The following AKAP7 variants were observed in gnomAD, a reference collection of about 807,000 sequenced individuals.
AKAP7 encodes A kinase (PRKA) anchor protein 7.
A neutral mutation model predicts 39.5 loss-of-function variants in AKAP7; 39 were observed. The observed-to-expected ratio is 0.99, with a 90% CI of 0.76 to 1.29. The LOEUF is 1.29. Among genes scored for constraint, AKAP7 ranks in the 50% most tolerant of loss-of-function variants. The pLI is 0.00. For missense variants in AKAP7, 414 were observed against 407.7 expected, an observed-to-expected ratio of 1.02 and a Z score of -0.13; for synonymous variants, 140 against 139.1, an observed-to-expected ratio of 1.01 and a Z score of -0.05.
intron 7 of AKAP7, among the ~76,000 whole-genome samples, chr6:131,226,575 C>T (rs79442271): frequency 7.5e-4 from 114 of 152,272 alleles, no homozygotes; most frequent in East Asian, 3.1e-3. Context: ...GCTACTTACT[C>T]GAGTTGGGTG....
intron 6 of AKAP7, among the ~76,000 whole-genome samples, chr6:131,215,158 G>C (rs1244060070): frequency 1.3e-5 from 2 of 152,040 alleles, no homozygotes; most frequent in Non-Finnish European, 2.9e-5. Context: ...ATAAAGTACT[G>C]TTGACTTTTC....
At chr6:131,164,236 C>T (rs1352124654) in intron 3 of AKAP7, 1 of 388,558 alleles carries the variant, frequency 2.6e-6, no homozygotes, top group Non-Finnish European at 5.1e-6. Context: ...CTTCTGTTCC[C>T]TTAGGGCTTC....
chr6:131,142,506 C>T (rs1801131355), intron 1 of AKAP7, among the ~76,000 whole-genome samples: 1 of 152,158 alleles, frequency 6.6e-6, no homozygotes, highest in African/African-American at 2.4e-5. Context: ...AGAATAAATG[C>T]AAGAGTGAAG....
chr6:131,214,548 T>G (rs940938717), intron 6 of AKAP7, among the ~76,000 whole-genome samples: 1 of 152,226 alleles, frequency 6.6e-6, no homozygotes, highest in African/African-American at 2.4e-5. Flanking sequence ...CCTGATTATT[T>G]GGAATATTAA....
chr6:131,247,412 AC>A (rs1198225148), intron 7 of AKAP7, among the ~76,000 whole-genome samples: 1 of 140,658 alleles, frequency 7.1e-6, no homozygotes. Flanking sequence ...TGCAACCTCC[AC>A]CTCCCAGGCT....
intron 5 of AKAP7, among the ~76,000 whole-genome samples, chr6:131,173,327 T>C (rs1016115583): frequency 1.3e-5 from 2 of 152,176 alleles, no homozygotes; most frequent in African/African-American, 4.8e-5. Flanking sequence ...GGGTTAGAAT[T>C]GGTTACTTGA....
rs368057182 is a variant in AKAP7, at chr6:131,216,772, T to C, written c.703-2889T>C. 5.3e-5 allele frequency among the ~76,000 whole-genome samples: 8 copies of C among 152,320 alleles called. No homozygotes were observed. In the East Asian group the frequency reaches 7.7e-4, roughly 15 times the overall value. On this transcript the variant is annotated intron_variant, in intron 6 of 7. Transcript: ENST00000431975. ...CGTTGCATAATTGAAATGTCACTTA[T>C]ACTGGATACAATTATAAATATGAAG...
At chr6:131,187,291 A>G (rs926927353) in intron 5 of AKAP7, among the ~76,000 whole-genome samples, 3 of 151,944 alleles carry the variant, frequency 2.0e-5, no homozygotes, top group African/African-American at 7.2e-5. Context: ...TATTTTCTTT[A>G]ATTTCTTTTA....
intron 6 of AKAP7, among the ~76,000 whole-genome samples, chr6:131,217,506 T>C (rs184977316): frequency 3.3e-4 from 51 of 152,302 alleles, no homozygotes; most frequent in African/African-American, 1.1e-3. Context: ...AAGATTTTTC[T>C]GATCAGGACA....
intron 3 of AKAP7, among the ~76,000 whole-genome samples, chr6:131,164,685 T>C (rs1177342205): frequency 1.3e-5 from 2 of 152,218 alleles, no homozygotes; most frequent in African/African-American, 4.8e-5. Flanking sequence ...TGGCTTGACC[T>C]TTCTGTGGCA....
At chr6:131,219,101 T>TA (rs1809463382) in intron 6 of AKAP7, among the ~76,000 whole-genome samples, 1 of 152,012 alleles carries the variant, frequency 6.6e-6, no homozygotes, top group African/African-American at 2.4e-5. Flanking sequence ...ACCCTGTCTC[T>TA]ACTAAAATTA....
intron 5 of AKAP7, among the ~76,000 whole-genome samples, chr6:131,180,961 C>CT (rs1195276592): frequency 3.3e-5 from 5 of 150,372 alleles, no homozygotes; most frequent in Admixed American, 1.3e-4. Context: ...CTATGTTTCT[C>CT]TTTTTTTTGA....
chr6:131,184,299 T>C (rs1410371799), intron 5 of AKAP7: 4 of 567,896 alleles, frequency 7.0e-6, no homozygotes, highest in South Asian at 4.4e-5. Context: ...GCCTTAGATA[T>C]GTCGGGGAGC....
intron 5 of AKAP7, among the ~76,000 whole-genome samples, chr6:131,189,246 G>T (rs1460790440): frequency 6.6e-6 from 1 of 152,178 alleles, no homozygotes; most frequent in Admixed American, 6.5e-5. Context: ...AACACATGTT[G>T]CTTTTGCACA....
At chr6:131,153,083 T>C (rs1802078425) in intron 2 of AKAP7, among the ~76,000 whole-genome samples, 1 of 150,150 alleles carries the variant, frequency 6.7e-6, no homozygotes, top group South Asian at 2.1e-4. Context: ...TGAGCCGAGA[T>C]TGCGCCAGTG....
chr6:131,135,468 T>C lies in AKAP7; in HGVS notation c.-296T>C, dbSNP rs1562852347. On this transcript the variant is annotated 5_prime_UTR_variant, in exon 1 of 8. Transcript: ENST00000431975. ...ACCGGCGACTCGGGTCGGCCCCTTC[T>C]GGCTTGTTCCGGCGTCCGGCCTGGC... is the stretch of plus-strand genomic sequence containing the variant. Among the ~76,000 whole-genome samples the C allele has an allele frequency of 6.6e-6, 1 of 151,634 alleles. No homozygotes were observed. The highest frequency in any genetic ancestry group is 1.5e-5 in the Non-Finnish European group (1 of 67,726).
intron 5 of AKAP7, among the ~76,000 whole-genome samples, chr6:131,176,258 C>T (rs1258333408): frequency 1.3e-5 from 2 of 151,010 alleles, no homozygotes; most frequent in African/African-American, 2.4e-5. Flanking sequence ...TCTCAGCTTC[C>T]TAGCTTGACC....
intron 5 of AKAP7, among the ~76,000 whole-genome samples, chr6:131,193,515 T>C (rs1806620623): frequency 6.6e-6 from 1 of 152,128 alleles, no homozygotes; most frequent in African/African-American, 2.4e-5. Flanking sequence ...GCCTGTAGTT[T>C]TCTTTCTTTG....
intron 6 of AKAP7, among the ~76,000 whole-genome samples, chr6:131,205,129 G>A (rs1373878664): frequency 6.6e-6 from 1 of 152,098 alleles, no homozygotes; most frequent in South Asian, 2.1e-4. Flanking sequence ...TAAGATAGCC[G>A]GTCCATTCAT....
Sources: gnomAD v4.1 joint callset for allele counts (sites outside exome capture counted in the v4.1 genomes callset) on GRCh38, gnomAD v4.1.1 for gene constraint, MANE v1.5 for transcripts, NCBI Gene and HGNC (gene_info 2026-07-23, HGNC 2026-07-21) for gene names.